ADGRV1: variants seen among roughly 807,000 people sequenced by gnomAD.
ADGRV1 encodes G-protein coupled receptor 98.
Under a neutral mutation model 596.2 loss-of-function variants are expected in ADGRV1, and 359 were observed. That is an observed-to-expected ratio of 0.60 (90% CI 0.55 to 0.66). The LOEUF (loss-of-function observed/expected upper bound fraction) is 0.66. Among genes scored for constraint, ADGRV1 ranks in the 30% least tolerant of loss-of-function variants. The pLI, the probability that ADGRV1 is intolerant of heterozygous loss-of-function variation, is 0.00. For missense variants in ADGRV1, 7,274 were observed against 7,575.6 expected, an observed-to-expected ratio of 0.96 and a Z score of 1.48; for synonymous variants, 2,681 against 2,679.2, an observed-to-expected ratio of 1.00 and a Z score of -0.02.
intron 87 of ADGRV1, among the ~76,000 whole-genome samples, chr5:91,142,757 C>T (rs186269595): frequency 3.3e-5 from 5 of 152,302 alleles, no homozygotes; most frequent in Admixed American, 2.0e-4. Context: ...TAGACTATTA[C>T]GATTTCATTT....
At chr5:90,740,700 G>T (rs574043969) in intron 50 of ADGRV1, among the ~76,000 whole-genome samples, 1 of 152,288 alleles carries the variant, frequency 6.6e-6, no homozygotes, top group South Asian at 2.1e-4. Context: ...GTCTAGCCCT[G>T]TTGATAGCTA....
Position 90,622,714 on chromosome 5 carries a change from T to C in ADGRV1, c.558+13T>C, listed in dbSNP as rs1210967201. 1 of 1,104,344 alleles carries C rather than the reference T, an allele frequency of 9.1e-7. No homozygotes were observed. The highest frequency in any genetic ancestry group is 1.9e-5 in the South Asian group (1 of 53,712). The allele number at this position is 1,104,344 out of a possible 1,614,324, so 68.4% of individuals were successfully genotyped here. On this transcript the variant is annotated intron_variant, in intron 5 of 89. Transcript: ENST00000405460. ...GGTGACTTTTGAGGTAAGTTTACTC[T>C]GAAGTCATTTTATTTTATTTATTTT... is the stretch of plus-strand genomic sequence containing the variant.
At chr5:90,704,046 G>A (rs751983379) in intron 35 of ADGRV1, among the ~76,000 whole-genome samples, 6 of 152,102 alleles carry the variant, frequency 3.9e-5, no homozygotes, top group Non-Finnish European at 8.8e-5. Context: ...TGTCCCTGCA[G>A]CACTTGTCTT....
intron 83 of ADGRV1, among the ~76,000 whole-genome samples, chr5:90,957,425 G>A (rs2150932791): frequency 6.6e-6 from 1 of 151,476 alleles, no homozygotes; most frequent in South Asian, 2.1e-4. Flanking sequence ...TGGTGTTAAT[G>A]ACTCATAAAG....
intron 83 of ADGRV1, among the ~76,000 whole-genome samples, chr5:90,948,867 C>A (rs1776824546): frequency 6.6e-6 from 1 of 152,098 alleles, no homozygotes; most frequent in African/African-American, 2.4e-5. Context: ...ATATGTATCA[C>A]TTTTGCACCA....
intron 85 of ADGRV1, among the ~76,000 whole-genome samples, chr5:91,028,737 T>G (rs979400122): frequency 6.8e-6 from 1 of 147,638 alleles, no homozygotes; most frequent in Non-Finnish European, 1.5e-5. Context: ...ACTCTGTTTT[T>G]TTTTTTTTTT....
At position 90,839,717 on chromosome 5, in the gene ADGRV1, C is replaced by T. The variant is rs75305076; in HGVS notation, c.16612-861C>T. Among the ~76,000 whole-genome samples the T allele has an allele frequency of 3.5e-3, 533 of 152,282 alleles. 5 individuals carry two copies. The highest frequency in any genetic ancestry group is 0.012 in the African/African-American group (512 of 41,560). On this transcript the variant is annotated intron_variant, in intron 77 of 89. Transcript: ENST00000405460. ...CAAATATCACAAGAGCTTCTATGTCCAGTTTTATATAAAATGCTACCCTTT... is the reference window on the plus strand; with the variant it reads ...CAAATATCACAAGAGCTTCTATGTCTAGTTTTATATAAAATGCTACCCTTT...
intron 19 of ADGRV1, 68 bp downstream of exon 19, chr5:90,652,631 TTAGA>T: frequency 2.1e-6 from 2 of 966,562 alleles, no homozygotes; most frequent in East Asian, 2.7e-5. Flanking sequence ...CATTTTATAC[TTAGA>T]TAATTAGAGC....
At chr5:90,608,413 C>A (rs777358161) in intron 1 of ADGRV1, among the ~76,000 whole-genome samples, 2 of 151,896 alleles carry the variant, frequency 1.3e-5, no homozygotes, top group African/African-American at 2.4e-5. Context: ...AAGAACCTTC[C>A]AAAGGGAGGA....
chr5:90,651,233 T>C (rs967743900), intron 17 of ADGRV1, among the ~76,000 whole-genome samples: 2 of 152,154 alleles, frequency 1.3e-5, no homozygotes, highest in African/African-American at 4.8e-5. Context: ...CCTAAGAAAT[T>C]TGAAAATAGA....
chr5:90,976,597 A>G (rs1779636779), intron 84 of ADGRV1, among the ~76,000 whole-genome samples: 1 of 152,030 alleles, frequency 6.6e-6, no homozygotes, highest in Admixed American at 6.6e-5. Flanking sequence ...TTTGCTATTC[A>G]TGTCTACATG....
chr5:90,955,356 A>C (rs184038240), intron 83 of ADGRV1, among the ~76,000 whole-genome samples: 14 of 152,290 alleles, frequency 9.2e-5, no homozygotes, highest in African/African-American at 2.9e-4. Flanking sequence ...TTTGTATTCC[A>C]AAGACCTGTA....
chr5:91,034,026 G>A (rs1251164501), intron 85 of ADGRV1, among the ~76,000 whole-genome samples: 1 of 152,232 alleles, frequency 6.6e-6, no homozygotes, highest in East Asian at 1.9e-4. Flanking sequence ...TTATGTAAGA[G>A]AAATGAAGCA....
In ADGRV1 at chr5:90,757,100, A is replaced by G; in HGVS notation, c.11879A>G (p.Asp3960Gly). Reference sequence around the variant, plus strand: ...AATGTTTATTGGAAAGCATCACCAGACAGTGCTGGCCTGGAAGACTTTAAA... The same window carrying G: ...AATGTTTATTGGAAAGCATCACCAGGCAGTGCTGGCCTGGAAGACTTTAAA... ...AVNVYWKASPDSAGLEDFKPS... is the reference protein window; with the variant it reads ...AVNVYWKASPGSAGLEDFKPS... The change falls in exon 57 of 90, where the codon GAC (aspartate) becomes GGC (glycine). Residue 3960 changes from aspartate (D) to glycine (G), a missense_variant. Transcript: ENST00000405460. 1.9e-6 allele frequency: 3 copies of G among 1,613,930 alleles called. No individual in the cohort carries two copies. Among genetic ancestry groups the G allele is most frequent in the Non-Finnish European group, 1.7e-6 (2 of 1,179,838 alleles).
chr5:90,564,626 T>TATA (rs202140182), intron 1 of ADGRV1, among the ~76,000 whole-genome samples: 7 of 10,716 alleles, frequency 6.5e-4, no homozygotes, highest in Admixed American at 2.7e-3. Context: ...TATATATATA[T>TATA]TTTTTTTTTT....
chr5:90,800,291 A>T (rs1338581316), intron 70 of ADGRV1, among the ~76,000 whole-genome samples: 1 of 152,246 alleles, frequency 6.6e-6, no homozygotes, highest in Non-Finnish European at 1.5e-5. Flanking sequence ...TTCTCAGAAG[A>T]ACACATTTAT....
At position 90,657,891 on chromosome 5, in the gene ADGRV1, G is replaced by T. The variant is rs1769652703; in HGVS notation, c.4379-14G>T. 2.5e-6 allele frequency: 4 copies of T among 1,590,882 alleles called. No individual in the cohort carries two copies. The African/African-American group carries it at 4.0e-5, about 16-fold the overall frequency. ...TGAAGGTATTGTAGCATTTAAACTT[G>T]TCTCTAATTTCAGGTCCTGGGATAC... is the stretch of plus-strand genomic sequence containing the variant. On this transcript the variant is annotated splice_polypyrimidine_tract_variant and intron_variant, in intron 20 of 89. Transcript: ENST00000405460.
Position 90,703,677 on chromosome 5 carries a change from A to G in ADGRV1, c.8168A>G (p.Gln2723Arg), listed in dbSNP as rs1206365526. Residue 2723 changes from glutamine to arginine, a missense_variant, in exon 35 of 90, where the codon CAA (glutamine) becomes CGA (arginine). Transcript: ENST00000405460. Reference sequence around the variant, plus strand: ...ATTTTACTTGCAGGAGAAATTTTACAATTCCATGTGATAAGAACTTTCCCT... The same window carrying G: ...ATTTTACTTGCAGGAGAAATTTTACGATTCCATGTGATAAGAACTTTCCCT... ...SVIGHEGEILQFHVIRTFPGR... is the reference protein window; with the variant it reads ...SVIGHEGEILRFHVIRTFPGR... 1 of 1,599,306 alleles carries G rather than the reference A, an allele frequency of 6.3e-7. No individual in the cohort carries two copies. Among genetic ancestry groups the G allele is most frequent in the Admixed American group, 1.7e-5 (1 of 58,570 alleles).
Position 91,102,207 on chromosome 5 carries a change from T to G in ADGRV1, c.18311-12T>G, listed in dbSNP as rs1039743357. The G allele has an allele frequency of 6.3e-7, 1 of 1,599,320 alleles. No homozygotes were observed. The highest frequency in any genetic ancestry group is 1.3e-5 in the African/African-American group (1 of 74,464). ...TTCTGAAGCTCAAAAATTCTTTTTT[T>G]TTTATTTCTAGAAATTCCACTGATT... On this transcript the variant is annotated splice_polypyrimidine_tract_variant and intron_variant, in intron 86 of 89. Transcript: ENST00000405460.
Sources: gnomAD v4.1 joint callset for allele counts (sites outside exome capture counted in the v4.1 genomes callset) on GRCh38, gnomAD v4.1.1 for gene constraint, MANE v1.5 for transcripts, NCBI Gene and HGNC (gene_info 2026-07-23, HGNC 2026-07-21) for gene names.